TTC4: variants seen among roughly 807,000 people sequenced by gnomAD.
TTC4 encodes hsp70/Hsp90 co-chaperone CNS1 homolog.
TTC4 carries 36 observed loss-of-function variants against 51.9 expected under a neutral mutation model. The observed-to-expected ratio is 0.69, with a 90% CI of 0.53 to 0.92. The LOEUF is 0.92. Among genes scored for constraint, TTC4 ranks in the 40% least tolerant of loss-of-function variants. The pLI is 0.00. For synonymous variants in TTC4, 144 were observed against 164.2 expected (o/e 0.88, Z 0.94); for missense variants, 399 against 454.6 (o/e 0.88, Z 1.11).
At chr1:54,731,236 G>T (rs1205403643) in intron 6 of TTC4, among the ~76,000 whole-genome samples, 1 of 151,872 alleles carries the variant, frequency 6.6e-6, no homozygotes, top group East Asian at 1.9e-4. Context: ...TTGTTTGTTT[G>T]TTTTTTGATG....
In TTC4 at chr1:54,728,373, GCCAA is replaced by G; in HGVS notation, c.624_627del (p.Asn209Ter). The G allele has an allele frequency of 6.2e-7, 1 of 1,613,044 alleles. No individual in the cohort carries two copies. Among genetic ancestry groups the G allele is most frequent in the Non-Finnish European group, 8.5e-7 (1 of 1,179,336 alleles). ...AATTGAACAGAGGGATGTGAGGAAAGCCAACTTGAAAGAAAAGAAGGAGAGGAAT... is the reference window on the plus strand; with the variant it reads ...AATTGAACAGAGGGATGTGAGGAAAGCTTGAAAGAAAAGAAGGAGAGGAAT... On this transcript the variant is annotated frameshift_variant, in exon 6 of 10. Transcript: ENST00000371281. LOFTEE classifies it high-confidence loss of function.
chr1:54,729,517 C>T (rs1360597231), intron 6 of TTC4, among the ~76,000 whole-genome samples: 1 of 152,134 alleles, frequency 6.6e-6, no homozygotes, highest in Non-Finnish European at 1.5e-5. Flanking sequence ...GGTTGTACAG[C>T]ATCCTGAGAA....
intron 4 of TTC4, among the ~76,000 whole-genome samples, chr1:54,721,580 G>C (rs577631730): frequency 6.6e-6 from 1 of 152,228 alleles, no homozygotes; most frequent in East Asian, 1.9e-4. Flanking sequence ...ATAAGTTATG[G>C]GACCTTTGCT....
At chr1:54,733,559 G>T (rs1645895633) in intron 7 of TTC4, 70 bp from the exon 8 acceptor site, 3 of 1,277,746 alleles carry the variant, frequency 2.3e-6, no homozygotes, top group Non-Finnish European at 2.2e-6. Flanking sequence ...TTGAATTAGT[G>T]TCTGGGGACC....
At chr1:54,716,546 G>T (rs1645678431) in intron 1 of TTC4, 54 bp from the exon 2 acceptor site, 8 of 1,398,564 alleles carry the variant, frequency 5.7e-6, no homozygotes, top group Non-Finnish European at 6.9e-6. Flanking sequence ...TCATGGAATT[G>T]GATCTGCTCA....
rs562653545 is a variant in TTC4 at position 54,725,503 on chromosome 1, C to T, written c.594+2704C>T. Among the ~76,000 whole-genome samples the T allele has an allele frequency of 3.3e-5, 5 of 152,266 alleles. No individual in the cohort carries two copies. In the South Asian group the frequency reaches 1.0e-3, roughly 32 times the overall value. On this transcript the variant is annotated intron_variant, in intron 5 of 9. Coordinates refer to ENST00000371281, the MANE Select transcript of TTC4 (RefSeq NM_004623.5). ...AGAAGACCCTAAGCTCTCAGAGTCT[C>T]TGCAAGAAGGAAGTGAAGGCTAAGG...
chr1:54,734,879 C>A (rs1258759488), intron 8 of TTC4, among the ~76,000 whole-genome samples: 1 of 152,092 alleles, frequency 6.6e-6, no homozygotes, highest in Non-Finnish European at 1.5e-5. Flanking sequence ...CTTTATAATA[C>A]CCATATAGCT....
intron 5 of TTC4, among the ~76,000 whole-genome samples, chr1:54,724,482 C>T (rs1481732850): frequency 6.6e-6 from 1 of 151,918 alleles, no homozygotes; most frequent in East Asian, 1.9e-4. Flanking sequence ...CACTATGTTG[C>T]CCAGGCTGGT....
intron 7 of TTC4, among the ~76,000 whole-genome samples, chr1:54,732,393 G>C (rs72909900): frequency 0.11 from 16,843 of 148,266 alleles, 1,668 homozygotes; most frequent in African/African-American, 0.25. Context: ...GACTTAACTT[G>C]TGATTTCATA....
Position 54,741,952 on chromosome 1 carries a change from A to T in TTC4, c.*439A>T, listed in dbSNP as rs1646017148. The stretch of plus-strand genomic sequence containing the variant: ...ATAGGATTCCAAGGCTTTAAAGCTG[A>T]GAGACCCTGGCCTCAAGTTATTTCA... On this transcript the variant is annotated 3_prime_UTR_variant, in exon 10 of 10. Coordinates refer to ENST00000371281, the MANE Select transcript of TTC4 (RefSeq NM_004623.5). 5.9e-6 allele frequency: 1 copy of T among 168,302 alleles called. No individual in the cohort carries two copies. Among genetic ancestry groups the T allele is most frequent in the South Asian group, 1.7e-4 (1 of 6,018 alleles). The allele number at this position is 168,302 out of a possible 1,614,324, so 10.4% of individuals were successfully genotyped here.
At chr1:54,731,436 C>T in intron 6 of TTC4, 50 bp from the exon 7 acceptor site, 1 of 1,557,856 alleles carries the variant, frequency 6.4e-7, no homozygotes, top group Non-Finnish European at 8.8e-7. Flanking sequence ...TTGCATCCTC[C>T]CACACAATAA....
chr1:54,722,784 A>AG lies in TTC4; in HGVS notation c.580dup (p.Ala194GlyfsTer8). 6.2e-7 allele frequency: 1 copy of AG among 1,613,886 alleles called. No individual in the cohort carries two copies. The highest frequency in any genetic ancestry group is 8.5e-7 in the Non-Finnish European group (1 of 1,179,900). On this transcript the variant is annotated frameshift_variant, in exon 5 of 10. Transcript: ENST00000371281. LOFTEE classifies it high-confidence loss of function. ...AGAAGCTTCTGGAAATGAGGGCTAA[A>AG]GCAGACAAGCTGAAGGTTGGTGACT...
At chr1:54,737,885 G>A (rs1317465636) in intron 9 of TTC4, among the ~76,000 whole-genome samples, 1 of 152,076 alleles carries the variant, frequency 6.6e-6, no homozygotes, top group Non-Finnish European at 1.5e-5. Flanking sequence ...GGCAAAAAGA[G>A]AGAGCTTGTG....
intron 3 of TTC4, among the ~76,000 whole-genome samples, chr1:54,718,163 C>T (rs1306927389): frequency 6.6e-6 from 1 of 151,978 alleles, no homozygotes; most frequent in Non-Finnish European, 1.5e-5. Context: ...GGAGGATCGC[C>T]TGAGGCCAGG....
Position 54,741,614 on chromosome 1 carries a change from C to A in TTC4, c.*101C>A. The A allele has an allele frequency of 9.9e-7, 1 of 1,010,998 alleles. No homozygotes were observed. The highest frequency in any genetic ancestry group is 2.0e-5 in the Admixed American group (1 of 50,206). The allele number at this position is 1,010,998 out of a possible 1,614,324, so 62.6% of individuals were successfully genotyped here. ...ACTGCTGGAGTCCAGTGCTTTCTTT[C>A]CGTCACCCTGGGGATAGTCCTTCCT... is the stretch of plus-strand genomic sequence containing the variant. On this transcript the variant is annotated 3_prime_UTR_variant, in exon 10 of 10. Transcript: ENST00000371281.
intron 3 of TTC4, among the ~76,000 whole-genome samples, chr1:54,719,645 T>G (rs1645719359): frequency 6.6e-6 from 1 of 152,240 alleles, no homozygotes; most frequent in South Asian, 2.1e-4. Context: ...AAATCATTTC[T>G]GAATGTTATT....
intron 3 of TTC4, among the ~76,000 whole-genome samples, chr1:54,718,900 C>G (rs1645708929): frequency 6.6e-6 from 1 of 152,108 alleles, no homozygotes; most frequent in Non-Finnish European, 1.5e-5. Flanking sequence ...GTGCTGTGTA[C>G]TCAGTGGACC....
intron 9 of TTC4, among the ~76,000 whole-genome samples, chr1:54,740,028 T>C (rs1394433238): frequency 1.3e-5 from 2 of 152,022 alleles, no homozygotes; most frequent in African/African-American, 4.8e-5. Context: ...TCTATAGAAA[T>C]CTTTTTTATG....
chr1:54,741,486 G>T lies in TTC4; in HGVS notation c.1137G>T (p.Arg379=). Residue 379 remains arginine (R), a synonymous_variant, in exon 10 of 10, where the codon CGG becomes CGT. Coordinates refer to ENST00000371281, the MANE Select transcript of TTC4 (RefSeq NM_004623.5). ...CTCCTTTTTGCAAGAATTTTCTCCG[G>T]GGGAGAAAGGTGTACCAGATACGAT... is the stretch of plus-strand genomic sequence containing the variant. ...GSSPFCKNFL[R]GRKVYQIR is the part of the protein sequence containing the mutation. 1 of 1,614,082 alleles carries T rather than the reference G, an allele frequency of 6.2e-7. No homozygotes were observed. The highest frequency in any genetic ancestry group is 8.5e-7 in the Non-Finnish European group (1 of 1,180,000).
Sources: allele counts gnomAD v4.1 joint callset (sites outside exome capture counted in the v4.1 genomes callset), GRCh38; gene constraint gnomAD v4.1.1; transcripts MANE v1.5; gene names NCBI Gene and HGNC (gene_info 2026-07-23, HGNC 2026-07-21).